The following CEP41 variants were observed in gnomAD, a reference collection of about 807,000 sequenced individuals.
CEP41 encodes centrosomal protein 41, also known as centrosomal protein of 41 kDa.
CEP41 carries 32 observed loss-of-function variants against 44.3 expected under a neutral mutation model. That is an observed-to-expected ratio of 0.72 (90% confidence interval 0.54 to 0.97). The LOEUF (loss-of-function observed/expected upper bound fraction) is 0.97, where lower values mean the gene tolerates loss of function less well. CEP41 is among the 50% of genes least tolerant of loss of function. The pLI, the probability that CEP41 is intolerant of heterozygous loss-of-function variation, is 0.00. For missense variants in CEP41, 432 were observed against 455.2 expected (o/e 0.95, Z 0.46); for synonymous variants, 151 against 168.5 (o/e 0.90, Z 0.80).
intron 7 of CEP41, among the ~76,000 whole-genome samples, 176 bp downstream of exon 7, chr7:130,402,472 G>A (rs2117563713): frequency 6.6e-6 from 1 of 152,204 alleles, no homozygotes; most frequent in Non-Finnish European, 1.5e-5. Flanking sequence ...GTGAAAATCA[G>A]CAGCCTCTCA....
intron 1 of CEP41, among the ~76,000 whole-genome samples, chr7:130,430,688 T>G (rs1797798629): frequency 6.6e-6 from 1 of 152,198 alleles, no homozygotes; most frequent in Admixed American, 6.5e-5. Context: ...CCTGGTAAAT[T>G]GAGTCAAGTA....
chr7:130,416,847 T>C (rs1797352156), intron 3 of CEP41, 72 bp downstream of exon 3: 1 of 1,154,572 alleles, frequency 8.7e-7, no homozygotes, highest in Admixed American at 1.7e-5. Context: ...GGAACACAAT[T>C]GTTAGTTAAG....
chr7:130,412,096 T>G, intron 4 of CEP41, 83 bp downstream of exon 4: 1 of 823,046 alleles, frequency 1.2e-6, no homozygotes, highest in Non-Finnish European at 2.2e-6. Context: ...CTCTGCAAAC[T>G]TTCCCTAGAG....
chr7:130,404,779 C>T (rs1554417888), intron 5 of CEP41, 71 bp from the exon 6 acceptor site: 1 of 1,180,988 alleles, frequency 8.5e-7, no homozygotes, highest in Non-Finnish European at 1.3e-6. Flanking sequence ...GTTCCACTGA[C>T]ATTAAGTCAA....
intron 2 of CEP41, chr7:130,421,209 T>C: frequency 3.0e-6 from 3 of 985,166 alleles, no homozygotes; most frequent in Non-Finnish European, 3.6e-6. Context: ...TTTCCTATAA[T>C]TTAATAACAT....
intron 2 of CEP41, chr7:130,426,701 G>A: frequency 2.2e-6 from 1 of 454,770 alleles, no homozygotes; most frequent in Non-Finnish European, 4.4e-6. Context: ...AGATGAAAGA[G>A]CTGAGGGTTT....
intron 4 of CEP41, among the ~76,000 whole-genome samples, chr7:130,411,423 G>T (rs2117605680): frequency 6.6e-6 from 1 of 152,280 alleles, no homozygotes; most frequent in South Asian, 2.1e-4. Flanking sequence ...CATAAACTTA[G>T]AATGCTAAGA....
intron 2 of CEP41, among the ~76,000 whole-genome samples, chr7:130,424,600 TTAAA>T (rs550230719): frequency 2.2e-4 from 34 of 152,136 alleles, no homozygotes; most frequent in African/African-American, 7.7e-4. Flanking sequence ...GAACACGTAA[TTAAA>T]TAGAGAAAAG....
At chr7:130,410,052 G>A (rs1388326069) in intron 5 of CEP41, among the ~76,000 whole-genome samples, 1 of 41,480 alleles carries the variant, frequency 2.4e-5, no homozygotes, top group Non-Finnish European at 5.3e-5. Flanking sequence ...TTGAGACAGA[G>A]TCTTGCTGTG....
chr7:130,399,219 G>C, intron 10 of CEP41, 180 bp from the exon 11 acceptor site: 1 of 701,812 alleles, frequency 1.4e-6, no homozygotes, highest in South Asian at 1.7e-5. Context: ...TCAGCCTGAA[G>C]GTGGGGAGGG....
At chr7:130,438,202 C>T (rs987463662) in intron 1 of CEP41, among the ~76,000 whole-genome samples, 3 of 152,120 alleles carry the variant, frequency 2.0e-5, no homozygotes, top group Non-Finnish European at 2.9e-5. Context: ...ATTTTGCCCC[C>T]GTAAATATTT....
intron 6 of CEP41, among the ~76,000 whole-genome samples, chr7:130,403,055 T>C (rs1796902479): frequency 6.6e-6 from 1 of 152,026 alleles, no homozygotes. Context: ...TGTCAGTGCA[T>C]TACATGGCTG....
At chr7:130,435,693 C>T (rs1797941624) in intron 1 of CEP41, among the ~76,000 whole-genome samples, 1 of 152,174 alleles carries the variant, frequency 6.6e-6, no homozygotes, top group South Asian at 2.1e-4. Context: ...TCTAATAAAA[C>T]TAAACATATG....
At chr7:130,404,758 T>A (rs1554417882) in intron 5 of CEP41, 50 bp from the exon 6 acceptor site, 1 of 1,375,948 alleles carries the variant, frequency 7.3e-7, no homozygotes, top group African/African-American at 1.4e-5. Context: ...AGGATTTGTA[T>A]TTACTTATTA....
chr7:130,406,539 G>A (rs1172033188), intron 5 of CEP41, among the ~76,000 whole-genome samples: 11 of 152,190 alleles, frequency 7.2e-5, no homozygotes, highest in African/African-American at 2.2e-4. Flanking sequence ...AGCTGAGATC[G>A]TGCCACTGCA....
chr7:130,427,405 A>C (rs1273133429), intron 2 of CEP41, among the ~76,000 whole-genome samples: 3 of 152,216 alleles, frequency 2.0e-5, no homozygotes, highest in African/African-American at 7.2e-5. Flanking sequence ...CCTGCACTGC[A>C]GCACTAATTA....
chr7:130,417,435 T>G (rs1797370356), intron 2 of CEP41: 36 of 805,736 alleles, frequency 4.5e-5, no homozygotes, highest in Non-Finnish European at 5.1e-5. Context: ...CACAGTTTCC[T>G]TCTCTTTCCT....
intron 3 of CEP41, among the ~76,000 whole-genome samples, chr7:130,416,564 A>G (rs1554420942): frequency 6.6e-6 from 1 of 152,246 alleles, no homozygotes; most frequent in Non-Finnish European, 1.5e-5. Context: ...TCTCAAATAG[A>G]GACAAAATAA....
chr7:130,436,770 A>C (rs1292436749), intron 1 of CEP41, among the ~76,000 whole-genome samples: 1 of 152,166 alleles, frequency 6.6e-6, no homozygotes, highest in Non-Finnish European at 1.5e-5. Flanking sequence ...ACAGTGGCTC[A>C]CACCTGTAAT....
Sources: gnomAD v4.1 joint callset for allele counts (sites outside exome capture counted in the v4.1 genomes callset) on GRCh38, gnomAD v4.1.1 for gene constraint, MANE v1.5 for transcripts, NCBI Gene and HGNC (gene_info 2026-07-23, HGNC 2026-07-21) for gene names.